The following MYO6 variants were observed in gnomAD, a reference collection of about 807,000 sequenced individuals.
MYO6 encodes the protein unconventional myosin-VI.
MYO6 carries 74 observed loss-of-function variants against 178.7 expected under a neutral mutation model. The ratio of observed to expected loss-of-function variants is 0.41; its 90% CI spans 0.34 to 0.50. The LOEUF is 0.50. MYO6 is among the 20% of genes least tolerant of loss of function. The probability of loss-of-function intolerance (pLI) is 0.09; values close to 1 mark genes in which losing one functional copy is unlikely to be tolerated. For synonymous variants in MYO6, 477 were observed against 504.6 expected, an observed-to-expected ratio of 0.95 and a Z score of 0.73; for missense variants, 1,330 against 1,547.4, an observed-to-expected ratio of 0.86 and a Z score of 2.36.
At position 75,881,750 on chromosome 6, in the gene MYO6, G is replaced by T; in HGVS notation, c.2348G>T (p.Arg783Ile). The change falls in exon 23 of 35, where the codon AGA becomes ATA. Residue 783 changes from arginine (R) to isoleucine (I), a missense_variant. This residue lies in a region of MYO6 where 601 missense variants were observed against 626.1 expected (regional missense o/e 0.96). Transcript: ENST00000369977. The stretch of plus-strand genomic sequence containing the variant: ...GACCACTTAGCAGAGTTGGTTAAAA[G>T]AGTCAATCACTGGCTCACATGCAGT... ...DPDHLAELVK[R>I]VNHWLTCSRW... The T allele has an allele frequency of 6.2e-7, 1 of 1,614,066 alleles. No individual in the cohort carries two copies. Among genetic ancestry groups the T allele is most frequent in the South Asian group, 1.1e-5 (1 of 91,084 alleles).
chr6:75,756,333 T>C lies in MYO6; in HGVS notation c.-48+6910T>C, dbSNP rs72654755. 0.01 allele frequency among the ~76,000 whole-genome samples: 1,564 copies of C among 152,276 alleles called. 46 individuals are homozygous for C. The East Asian group carries it at 0.13, about 13-fold the overall frequency. On this transcript the variant is annotated intron_variant, in intron 1 of 34. Coordinates refer to ENST00000369977, the MANE Select transcript of MYO6 (RefSeq NM_004999.4). ...AAAGTATAATTTTAATAGCAGCTAT[T>C]GTTTTTTCTTTTTTTTTGAGACGGA...
At chr6:75,750,426 T>A (rs1776774839) in intron 1 of MYO6, among the ~76,000 whole-genome samples, 1 of 150,890 alleles carries the variant, frequency 6.6e-6, no homozygotes, top group Non-Finnish European at 1.5e-5. Context: ...TGGCATAAAG[T>A]GATGTGGTGG....
intron 11 of MYO6, among the ~76,000 whole-genome samples, chr6:75,849,071 A>G (rs1283295101): frequency 6.6e-6 from 1 of 152,222 alleles, no homozygotes; most frequent in Non-Finnish European, 1.5e-5. Context: ...GTACATGAAC[A>G]GTAGGACTTT....
chr6:75,860,496 C>T (rs1030391284), intron 14 of MYO6, among the ~76,000 whole-genome samples: 1 of 152,060 alleles, frequency 6.6e-6, no homozygotes, highest in Non-Finnish European at 1.5e-5. Flanking sequence ...TTATGTTCAC[C>T]TTTTTAATAT....
At position 75,866,954 on chromosome 6, in the gene MYO6, A is replaced by C; in HGVS notation, c.1793A>C (p.Asn598Thr). ...YETTQFVEKN[N>T]DALHMSLESL... ...CAGACCCAGTTTGTGGAGAAAAATA[A>C]TGATGCTTTACATATGTCTCTTGAA... Residue 598 changes from asparagine to threonine, a missense_variant, in exon 18 of 35, where the codon AAT becomes ACT. Physicochemically the swap from Asn to Thr is moderately conservative, Grantham distance 65. Coordinates refer to ENST00000369977, the MANE Select transcript of MYO6 (RefSeq NM_004999.4). 6.2e-7 allele frequency: 1 copy of C among 1,614,016 alleles called. No homozygotes were observed. Among genetic ancestry groups the C allele is most frequent in the Admixed American group, 1.7e-5 (1 of 60,024 alleles).
intron 27 of MYO6, 31 bp from the exon 28 acceptor site, chr6:75,892,499 T>C (rs1424604789): frequency 6.2e-7 from 1 of 1,613,860 alleles, no homozygotes; most frequent in Non-Finnish European, 8.5e-7. Flanking sequence ...AGTGAAGAAC[T>C]CTTGGTGAAA....
intron 1 of MYO6, among the ~76,000 whole-genome samples, chr6:75,788,315 G>T (rs1482038090): frequency 6.6e-6 from 1 of 151,832 alleles, no homozygotes; most frequent in Non-Finnish European, 1.5e-5. Flanking sequence ...AGTGAGCCAA[G>T]ATCGTGCCAC....
chr6:75,840,580 A>G lies in MYO6; in HGVS notation c.554-5A>G. 1 of 1,610,192 alleles carries G rather than the reference A, an allele frequency of 6.2e-7. No individual in the cohort carries two copies. Among genetic ancestry groups the G allele is most frequent in the Non-Finnish European group, 8.5e-7 (1 of 1,176,550 alleles). ...TTTTTGATGGATTTTTTTGTTTCTCAATAGCTAACCCACTCCTAGAAGCCT... is the reference window on the plus strand; with the variant it reads ...TTTTTGATGGATTTTTTTGTTTCTCGATAGCTAACCCACTCCTAGAAGCCT... On this transcript the variant is annotated splice_region_variant and splice_polypyrimidine_tract_variant and intron_variant, in intron 7 of 34. Transcript: ENST00000369977.
At chr6:75,789,657 G>C (rs1482917920) in intron 1 of MYO6, among the ~76,000 whole-genome samples, 2 of 151,474 alleles carry the variant, frequency 1.3e-5, no homozygotes, top group African/African-American at 4.9e-5. Flanking sequence ...ACATATTTAT[G>C]GGGTACAATG....
intron 1 of MYO6, among the ~76,000 whole-genome samples, chr6:75,761,670 A>G (rs1325820435): frequency 2.6e-5 from 4 of 151,894 alleles, no homozygotes; most frequent in African/African-American, 4.8e-5. Flanking sequence ...GCAACTGTAT[A>G]CAGAGGGCTA....
chr6:75,762,129 G>A (rs1205283755), intron 1 of MYO6, among the ~76,000 whole-genome samples: 1 of 152,064 alleles, frequency 6.6e-6, no homozygotes, highest in Admixed American at 6.6e-5. Flanking sequence ...TAGAGACAGA[G>A]TGTCACCATG....
At chr6:75,823,797 T>C (rs1772155409) in intron 3 of MYO6, among the ~76,000 whole-genome samples, 1 of 152,240 alleles carries the variant, frequency 6.6e-6, no homozygotes, top group Admixed American at 6.5e-5. Context: ...GCATTTCGTC[T>C]CTCTTCTGAA....
At chr6:75,896,742 A>G (rs1581940182) in intron 29 of MYO6, among the ~76,000 whole-genome samples, 1 of 152,194 alleles carries the variant, frequency 6.6e-6, no homozygotes, top group East Asian at 1.9e-4. Flanking sequence ...AGATGCCAGG[A>G]GTATACTCAC....
At position 75,907,685 on chromosome 6, in the gene MYO6, G is replaced by A. The variant is rs1186563066; in HGVS notation, c.3257G>A (p.Arg1086His). ...DLSKWKYAEL[R>H]DTINTSCDIE... ...AGTAAATGGAAATATGCAGAACTACGTGATACCATCAATACTTCTTGTGGT... is the reference window on the plus strand; with the variant it reads ...AGTAAATGGAAATATGCAGAACTACATGATACCATCAATACTTCTTGTGGT... Residue 1086 changes from arginine (R) to histidine (H), a missense_variant, in exon 31 of 35, where the codon CGT (arginine) becomes CAT (histidine). Arg to His is a conservative substitution (Grantham distance 29, BLOSUM62 0). Transcript: ENST00000369977. The A allele has an allele frequency of 3.7e-5, 59 of 1,612,388 alleles. No individual in the cohort carries two copies. The highest frequency in any genetic ancestry group is 4.5e-5 in the Non-Finnish European group (53 of 1,179,116).
At chr6:75,871,875 C>T (rs55767659) in intron 19 of MYO6, among the ~76,000 whole-genome samples, 4,546 of 152,154 alleles carry the variant, frequency 0.03, 94 homozygotes, top group Non-Finnish European at 0.047. Context: ...TTGTAATCCC[C>T]AGCACTTTGG....
intron 1 of MYO6, among the ~76,000 whole-genome samples, chr6:75,757,966 A>G (rs1371665972): frequency 7.5e-6 from 1 of 133,920 alleles, no homozygotes; most frequent in Admixed American, 8.5e-5. Flanking sequence ...GGAATCTTGA[A>G]GTTGGCTTTT....
At chr6:75,829,175 G>A (rs1168433364) in intron 4 of MYO6, among the ~76,000 whole-genome samples, 1 of 152,070 alleles carries the variant, frequency 6.6e-6, no homozygotes, top group Non-Finnish European at 1.5e-5. Context: ...TACCTTGAAA[G>A]TCCAGAATAT....
chr6:75,856,925 A>T (rs1470791636), intron 12 of MYO6, among the ~76,000 whole-genome samples, 172 bp from the exon 13 acceptor site: 1 of 151,998 alleles, frequency 6.6e-6, no homozygotes, highest in East Asian at 1.9e-4. Context: ...TAATTCCATT[A>T]GTTTTCTTGT....
chr6:75,770,028 G>A (rs1282520249), intron 1 of MYO6, among the ~76,000 whole-genome samples: 1 of 152,000 alleles, frequency 6.6e-6, no homozygotes, highest in Admixed American at 6.5e-5. Flanking sequence ...CCAGTAGGTG[G>A]TGCCCTGGTG....
Sources: gnomAD v4.1 joint callset for allele counts (sites outside exome capture counted in the v4.1 genomes callset) on GRCh38, gnomAD v4.1.1 for gene constraint, gnomAD v4.1.1 regional missense constraint, MANE v1.5 for transcripts, NCBI Gene and HGNC (gene_info 2026-07-23, HGNC 2026-07-21) for gene names.